Variants in SASH1 observed in about 807,000 individuals in gnomAD.
SASH1 encodes SAM and SH3 domain containing 1.
In SASH1, 44 loss-of-function variants were observed where a neutral mutation model predicts 125.2. The ratio of observed to expected loss-of-function variants is 0.35; its 90% confidence interval spans 0.28 to 0.45. The LOEUF (loss-of-function observed/expected upper bound fraction) is 0.45, where lower values mean the gene tolerates loss of function less well. SASH1 is among the 20% of genes least tolerant of loss of function. The pLI is 1.00. For synonymous variants in SASH1, 639 were observed against 649.1 expected (o/e 0.98, Z 0.24); for missense variants, 1,426 against 1,614.5 (o/e 0.88, Z 2.00).
chr6:148,288,326 G>A (rs1422177879), intron 1 of SASH1, among the ~76,000 whole-genome samples: 2 of 152,208 alleles, frequency 1.3e-5, no homozygotes, highest in African/African-American at 2.4e-5. Flanking sequence ...GAGGCATCAC[G>A]GGAATCAGCC....
chr6:148,426,258 A>G (rs1276670613), intron 2 of SASH1, among the ~76,000 whole-genome samples: 3 of 151,654 alleles, frequency 2.0e-5, no homozygotes, highest in African/African-American at 7.3e-5. Context: ...TTTTTTTTCC[A>G]TTTAAAATTT....
chr6:148,351,011 A>C (rs1310691735), intron 1 of SASH1, among the ~76,000 whole-genome samples: 1 of 152,058 alleles, frequency 6.6e-6, no homozygotes, highest in Non-Finnish European at 1.5e-5. Flanking sequence ...GGGCAGCATT[A>C]ATTCTTTATG....
chr6:148,470,340 C>T (rs996072864), intron 5 of SASH1, among the ~76,000 whole-genome samples: 6 of 152,306 alleles, frequency 3.9e-5, no homozygotes, highest in East Asian at 3.9e-4. Context: ...GGTTCCCACA[C>T]GTCTGCTTCA....
At chr6:148,288,496 G>A (rs1022161017) in intron 1 of SASH1, among the ~76,000 whole-genome samples, 31 of 152,162 alleles carry the variant, frequency 2.0e-4, no homozygotes, top group African/African-American at 7.0e-4. Context: ...CTATGCATCC[G>A]TACATGAACC....
the SASH1 span, among the ~76,000 whole-genome samples, chr6:148,198,047 A>G: frequency 6.6e-6 from 1 of 152,144 alleles, no homozygotes; most frequent in African/African-American, 2.4e-5. Context: ...ACAGGGCTTC[A>G]CCAAGTTGGC....
chr6:148,282,100 T>C (rs1779357590), intron 1 of SASH1, among the ~76,000 whole-genome samples: 1 of 152,188 alleles, frequency 6.6e-6, no homozygotes, highest in Non-Finnish European at 1.5e-5. Flanking sequence ...AAGGACAATC[T>C]TGAGGGAAGT....
At chr6:148,294,747 G>C (rs1779718398) in intron 1 of SASH1, among the ~76,000 whole-genome samples, 1 of 152,086 alleles carries the variant, frequency 6.6e-6, no homozygotes, top group African/African-American at 2.4e-5. Context: ...GGAACGAGAG[G>C]GGAGCAAAAA....
intron 1 of SASH1, among the ~76,000 whole-genome samples, chr6:148,385,712 A>G (rs1298762894): frequency 1.3e-5 from 2 of 152,156 alleles, no homozygotes; most frequent in East Asian, 3.9e-4. Context: ...AAAACCCCAA[A>G]AGACTGGGTT....
chr6:148,500,243 A>G (rs12214798), intron 8 of SASH1, among the ~76,000 whole-genome samples: 35,263 of 150,526 alleles, frequency 0.23, 4,830 homozygotes, highest in Middle Eastern at 0.35. Context: ...TCTCCTTTCA[A>G]GATACAGTTG....
At chr6:148,493,997 A>T (rs917437803) in intron 8 of SASH1, among the ~76,000 whole-genome samples, 13 of 151,158 alleles carry the variant, frequency 8.6e-5, no homozygotes, top group African/African-American at 2.9e-4. Context: ...GTGCCCTAAG[A>T]TTCAGTTTAT....
intron 1 of SASH1, among the ~76,000 whole-genome samples, chr6:148,366,673 C>G (rs1782471350): frequency 6.6e-6 from 1 of 152,144 alleles, no homozygotes; most frequent in Non-Finnish European, 1.5e-5. Flanking sequence ...TCTCAGCTCA[C>G]TGCAACCTCT....
intron 1 of SASH1, among the ~76,000 whole-genome samples, chr6:148,333,634 T>C (rs1170588207): frequency 6.6e-6 from 1 of 152,122 alleles, no homozygotes; most frequent in Non-Finnish European, 1.5e-5. Flanking sequence ...CGATCTCGGC[T>C]CACCACAACC....
Position 148,325,261 on chromosome 6 carries a change from T to TTGTTGTTGTTGTTGTTGTTGTTGTTG in SASH1, n.74+52885_74+52886insGTTGTTGTTGTTGTTGTTGTTGTTGT, listed in dbSNP as rs147161125. ...AGAGTGAAATAGGGGAAAAGCCTCT[T>TTGTTGTTGTTGTTGTTGTTGTTGTTG]TTGTTGTTGTTGTTGTTGTTGTTGT... On this transcript the variant is annotated intron_variant and non_coding_transcript_variant, in intron 1 of 3. Transcript: ENST00000367469. 8.9e-4 allele frequency among the ~76,000 whole-genome samples: 134 copies of TTGTTGTTGTTGTTGTTGTTGTTGTTG among 149,994 alleles called. 1 individual carries two copies. Among genetic ancestry groups the TTGTTGTTGTTGTTGTTGTTGTTGTTG allele is most frequent in the African/African-American group, 3.2e-3 (130 of 40,794 alleles).
At chr6:148,547,006 T>C (rs368683323) in intron 19 of SASH1, among the ~76,000 whole-genome samples, 2 of 152,338 alleles carry the variant, frequency 1.3e-5, no homozygotes, top group East Asian at 1.9e-4. Context: ...GTATATATTA[T>C]ACACAAATTT....
intron 1 of SASH1, among the ~76,000 whole-genome samples, chr6:148,336,262 A>G (rs1017087553): frequency 2.3e-5 from 3 of 132,694 alleles, no homozygotes; most frequent in Non-Finnish European, 4.5e-5. Context: ...TGCGAGCTCT[A>G]CCTACCTGGT....
chr6:148,294,519 A>T (rs1328570150), intron 1 of SASH1, among the ~76,000 whole-genome samples: 1 of 152,240 alleles, frequency 6.6e-6, no homozygotes, highest in Non-Finnish European at 1.5e-5. Context: ...ATTAAGCAGC[A>T]ACTGGTGAAA....
intron 2 of SASH1, among the ~76,000 whole-genome samples, chr6:148,405,569 T>C (rs1481535782): frequency 2.0e-5 from 3 of 152,142 alleles, no homozygotes; most frequent in Non-Finnish European, 4.4e-5. Flanking sequence ...GTGAGCCTTC[T>C]TCCTTGCTAC....
chr6:148,339,382 C>T (rs914486844), upstream of SASH1, among the ~76,000 whole-genome samples: 1 of 151,412 alleles, frequency 6.6e-6, no homozygotes, highest in Non-Finnish European at 1.5e-5. Flanking sequence ...CAACATTTCT[C>T]CCAAAACATT....
At chr6:148,444,186 C>T (rs1190757201) in intron 4 of SASH1, among the ~76,000 whole-genome samples, 7 of 152,220 alleles carry the variant, frequency 4.6e-5, no homozygotes, top group African/African-American at 1.4e-4. Context: ...CCTGTGTGCA[C>T]GCCTCTGTCC....
Sources: gnomAD v4.1 joint callset for allele counts (sites outside exome capture counted in the v4.1 genomes callset) on GRCh38, gnomAD v4.1.1 for gene constraint, MANE v1.5 for transcripts, NCBI Gene and HGNC (gene_info 2026-07-23, HGNC 2026-07-21) for gene names.